VLDLR: variants seen among roughly 807,000 people sequenced by gnomAD.
VLDLR encodes the protein very low-density lipoprotein receptor.
In VLDLR, 81 loss-of-function variants were observed where a neutral mutation model predicts 112.7. The ratio of observed to expected loss-of-function variants is 0.72; its 90% confidence interval spans 0.60 to 0.86. The LOEUF (loss-of-function observed/expected upper bound fraction) is 0.86, where lower values mean the gene tolerates loss of function less well. VLDLR is among the 40% of genes least tolerant of loss of function. VLDLR has a pLI of 0.00. For synonymous variants in VLDLR, 436 were observed against 384.8 expected, an observed-to-expected ratio of 1.13 and a Z score of -1.56; for missense variants, 1,237 against 1,099.4, an observed-to-expected ratio of 1.13 and a Z score of -1.77.
rs1325058534 is a variant in VLDLR at position 2,650,462 on chromosome 9, A to G, written c.2197A>G (p.Thr733Ala). ...GATTAATGATCACTCTCCAAAATAT[A>G]CCTGTTCCTGTCCCAGTGGGTACAA... is the stretch of plus-strand genomic sequence containing the variant. ...PQINDHSPKY[T>A]CSCPSGYNVE... The change falls in exon 15 of 19, where the codon ACC (threonine) becomes GCC (alanine). Residue 733 changes from threonine (T) to alanine (A), a missense_variant. Thr to Ala is a moderately conservative substitution (Grantham distance 58). Transcript: ENST00000382100. 1 of 1,614,000 alleles carries G rather than the reference A, an allele frequency of 6.2e-7. No homozygotes were observed. The highest frequency in any genetic ancestry group is 1.1e-5 in the South Asian group (1 of 91,068).
intron 1 of VLDLR, among the ~76,000 whole-genome samples, chr9:2,632,300 G>C (rs1434694363): frequency 1.3e-5 from 2 of 152,152 alleles, no homozygotes; most frequent in Non-Finnish European, 1.5e-5. Context: ...CACCCCTCTA[G>C]CCTGAGGCAT....
In VLDLR at chr9:2,643,931, CTGGAG is replaced by C. The variant is rs1554621211; in HGVS notation, c.1041_1045del (p.Trp347Ter). 6.2e-7 allele frequency: 1 copy of C among 1,613,950 alleles called. No homozygotes were observed. Among genetic ancestry groups the C allele is most frequent in the African/African-American group, 1.3e-5 (1 of 74,886 alleles). ...GTAACCAGGAGCAGGACTGCAGGGA[CTGGAG>C]TGATGAGCCCCTGAAAGAGTGTCGT... On this transcript the variant is annotated frameshift_variant, in exon 7 of 19. Transcript: ENST00000382100. LOFTEE classifies it high-confidence loss of function.
At chr9:2,646,069 T>G (rs1818054957) in intron 10 of VLDLR, among the ~76,000 whole-genome samples, 1 of 151,974 alleles carries the variant, frequency 6.6e-6, no homozygotes, top group Admixed American at 6.6e-5. Context: ...CTATAGAAAC[T>G]CAGATGATGG....
chr9:2,622,346 C>T, intron 1 of VLDLR, 75 bp downstream of exon 1: 1 of 1,309,060 alleles, frequency 7.6e-7, no homozygotes, highest in Non-Finnish European at 9.9e-7. Flanking sequence ...GCGTAGGTCT[C>T]CGTTTGCCCA....
rs1452206105 is a variant in VLDLR at position 2,654,047 on chromosome 9, T to C, written c.*179T>C. Reference sequence around the variant, plus strand: ...TTTATATTACTTTTGTAAATATTCTTGTCCACATTCTACTTCAGCTTTGGA... The same window carrying C: ...TTTATATTACTTTTGTAAATATTCTCGTCCACATTCTACTTCAGCTTTGGA... On this transcript the variant is annotated 3_prime_UTR_variant, in exon 19 of 19. Coordinates refer to ENST00000382100, the MANE Select transcript of VLDLR (RefSeq NM_003383.5). The C allele has an allele frequency of 7.9e-6, 5 of 631,166 alleles. No homozygotes were observed. The highest frequency in any genetic ancestry group is 1.4e-5 in the Non-Finnish European group (5 of 358,924). The allele number at this position is 631,166 out of a possible 1,614,324, so 39.1% of individuals were successfully genotyped here.
chr9:2,651,092 C>A (rs943001823), intron 15 of VLDLR, among the ~76,000 whole-genome samples: 1 of 152,094 alleles, frequency 6.6e-6, no homozygotes, highest in Non-Finnish European at 1.5e-5. Flanking sequence ...GTCTGGTATG[C>A]CTGGTATACC....
intron 1 of VLDLR, among the ~76,000 whole-genome samples, chr9:2,630,236 T>G (rs1817281037): frequency 6.6e-6 from 1 of 152,198 alleles, no homozygotes. Flanking sequence ...AAAACTTTTT[T>G]GCTGACTCAG....
intron 1 of VLDLR, among the ~76,000 whole-genome samples, chr9:2,631,288 A>C (rs1265353651): frequency 3.3e-5 from 5 of 152,190 alleles, no homozygotes; most frequent in African/African-American, 1.2e-4. Flanking sequence ...TGGAATTAAC[A>C]TTTGATCCAG....
chr9:2,642,470 C>A (rs1817873827), intron 4 of VLDLR, among the ~76,000 whole-genome samples: 1 of 152,176 alleles, frequency 6.6e-6, no homozygotes, highest in African/African-American at 2.4e-5. Context: ...CTAGACTTTG[C>A]TTCCCAAGAG....
chr9:2,655,938 AC>A lies in VLDLR; in HGVS notation c.*2071del, dbSNP rs1201669862. ...GCTGCTGCTCTGACCCTGCTGTGGT[AC>A]AAAAAACATGGATTTTTTTTTTTTT... is the stretch of plus-strand genomic sequence containing the variant. On this transcript the variant is annotated 3_prime_UTR_variant, in exon 19 of 19. Coordinates refer to ENST00000382100, the MANE Select transcript of VLDLR (RefSeq NM_003383.5). 1 of 149,898 alleles carries A rather than the reference AC, an allele frequency of 6.7e-6. No individual in the cohort carries two copies. Among genetic ancestry groups the A allele is most frequent in the African/African-American group, 2.5e-5 (1 of 39,280 alleles). 9.3% of individuals were successfully genotyped at this position (149,898 alleles called of 1,614,324 possible). A position where few individuals can be genotyped will look rare whatever the true frequency, so the allele number is the denominator to read the frequency against.
chr9:2,644,544 C>T (rs1817984010), intron 7 of VLDLR, among the ~76,000 whole-genome samples, 190 bp from the exon 8 acceptor site: 1 of 152,000 alleles, frequency 6.6e-6, no homozygotes, highest in Non-Finnish European at 1.5e-5. Context: ...GCTTGACCAG[C>T]TGGTAACTTG....
chr9:2,656,745 G>A lies in VLDLR; in HGVS notation c.*2877G>A, dbSNP rs1039967363. On this transcript the variant is annotated 3_prime_UTR_variant, in exon 19 of 19. Coordinates refer to ENST00000382100, the MANE Select transcript of VLDLR (RefSeq NM_003383.5). ...GGAATTGCCACAAAGATTGATGATA[G>A]ATGAATAAACAGATTTGTGGCCTCT... The A allele has an allele frequency of 1.3e-4, 19 of 151,794 alleles. No individual in the cohort carries two copies. The highest frequency in any genetic ancestry group is 2.2e-4 in the Non-Finnish European group (15 of 67,998). 9.4% of individuals were successfully genotyped at this position (151,794 alleles called of 1,614,324 possible). A position where few individuals can be genotyped will look rare whatever the true frequency, so the allele number is the denominator to read the frequency against.
In VLDLR at chr9:2,657,599, C is replaced by CTGTT. The variant is rs1027621069; in HGVS notation, c.*3732_*3735dup. 2 of 152,162 alleles carry CTGTT rather than the reference C, an allele frequency of 1.3e-5. No individual in the cohort carries two copies. The highest frequency in any genetic ancestry group is 4.8e-5 in the African/African-American group (2 of 41,430). The allele number at this position is 152,162 out of a possible 1,614,324, so 9.4% of individuals were successfully genotyped here. A position where few individuals can be genotyped will look rare whatever the true frequency, so the allele number is the denominator to read the frequency against. On this transcript the variant is annotated 3_prime_UTR_variant, in exon 19 of 19. Coordinates refer to ENST00000382100, the MANE Select transcript of VLDLR (RefSeq NM_003383.5). ...CTGGGTATTACATATTCTGCAAGCC[C>CTGTT]TGTTAGTGGGGAGATGGTAGTGGCA...
At chr9:2,653,084 G>C (rs1422117537) in intron 18 of VLDLR, 135 bp downstream of exon 18, 5 of 1,145,880 alleles carry the variant, frequency 4.4e-6, no homozygotes, top group Non-Finnish European at 6.5e-6. Flanking sequence ...CTATTAGACA[G>C]ACAGTATAGC....
Position 2,645,664 on chromosome 9 carries a change from T to A in VLDLR, c.1403T>A (p.Leu468Gln). The stretch of plus-strand genomic sequence containing the variant: ...GAATATATCCAACTAGTTGAACAGC[T>A]AAGAAACACTGTGGCTCTCGATGCT... ...RKEYIQLVEQLRNTVALDADI... is the reference protein window; with the variant it reads ...RKEYIQLVEQQRNTVALDADI... The change falls in exon 10 of 19, where the codon CTA (leucine) becomes CAA (glutamine). Residue 468 changes from leucine (L) to glutamine (Q), a missense_variant. Transcript: ENST00000382100. 6.2e-7 allele frequency: 1 copy of A among 1,614,196 alleles called. No homozygotes were observed.
At chr9:2,647,733 G>A (rs975308501) in intron 12 of VLDLR, 141 bp downstream of exon 12, 3 of 783,848 alleles carry the variant, frequency 3.8e-6, no homozygotes, top group African/African-American at 1.7e-5. Context: ...GGGAGTAACT[G>A]AACAACACAA....
chr9:2,628,465 G>A (rs1817195170), intron 1 of VLDLR, among the ~76,000 whole-genome samples: 1 of 152,152 alleles, frequency 6.6e-6, no homozygotes, highest in South Asian at 2.1e-4. Context: ...GGTGGGTAGT[G>A]ACCAATAGGG....
chr9:2,639,732 G>A (rs1817745500), intron 2 of VLDLR, 127 bp from the exon 3 acceptor site: 9 of 1,384,086 alleles, frequency 6.5e-6, no homozygotes, highest in Non-Finnish European at 9.2e-6. Flanking sequence ...GATATTGGCA[G>A]TTGAGTGCCC....
intron 1 of VLDLR, among the ~76,000 whole-genome samples, chr9:2,633,047 AGAGAGTGT>A (rs1413539462): frequency 0.025 from 2,411 of 95,386 alleles, 22 homozygotes; most frequent in Non-Finnish European, 0.033. Context: ...AGAGAGAGAG[AGAGAGTGT>A]GTGTGTGTGT....
Sources: allele counts gnomAD v4.1 joint callset (sites outside exome capture counted in the v4.1 genomes callset), GRCh38; gene constraint gnomAD v4.1.1; transcripts MANE v1.5; gene names NCBI Gene and HGNC (gene_info 2026-07-23, HGNC 2026-07-21).